The following CHD6 variants were observed in gnomAD, a reference collection of about 807,000 sequenced individuals.
CHD6 encodes chromodomain helicase DNA binding protein 6.
Under a neutral mutation model 276.9 loss-of-function variants are expected in CHD6, and 50 were observed. The observed-to-expected ratio is 0.18, with a 90% CI of 0.14 to 0.23. CHD6 has a LOEUF of 0.23. CHD6 is among the 10% of genes least tolerant of loss of function. The pLI is 1.00. For synonymous variants in CHD6, 1,173 were observed against 1,229.3 expected, an observed-to-expected ratio of 0.95 and a Z score of 0.96; for missense variants, 2,564 against 3,365.8, an observed-to-expected ratio of 0.76 and a Z score of 5.89.
intron 6 of CHD6, among the ~76,000 whole-genome samples, chr20:41,498,808 T>C (rs1436053578): frequency 2.1e-5 from 1 of 48,508 alleles, no homozygotes; most frequent in East Asian, 8.7e-4. Flanking sequence ...TATGTATGTA[T>C]GTATGTGTGT....
At position 41,416,741 on chromosome 20, in the gene CHD6, C is replaced by A; in HGVS notation, c.6333G>T (p.Gly2111=). 1.9e-6 allele frequency: 3 copies of A among 1,612,022 alleles called. No individual in the cohort carries two copies. Among genetic ancestry groups the A allele is most frequent in the Non-Finnish European group, 2.5e-6 (3 of 1,178,652 alleles). ...CATACTGCTGGCTAGAGGGCCACTT[C>A]CCCTTTAACACCACGTGGCAGATAT... ...LDNICHVVLK[G]KWPSSQQYEP... Residue 2111 remains glycine (G), a synonymous_variant, in exon 33 of 37, where the codon GGG becomes GGT. Transcript: ENST00000373233.
At chr20:41,437,983 A>G (rs987314472) in intron 26 of CHD6, among the ~76,000 whole-genome samples, 2 of 152,164 alleles carry the variant, frequency 1.3e-5, no homozygotes, top group African/African-American at 2.4e-5. Context: ...GAAAAAGGTA[A>G]TTCCTGCCCA....
chr20:41,406,739 C>A (rs1305055183), intron 36 of CHD6, among the ~76,000 whole-genome samples: 2 of 152,236 alleles, frequency 1.3e-5, no homozygotes, highest in Non-Finnish European at 2.9e-5. Context: ...TGGAGAACTG[C>A]ATGCCTTTCT....
At chr20:41,489,746 T>A in intron 12 of CHD6, 32 bp downstream of exon 12, 1 of 1,613,052 alleles carries the variant, frequency 6.2e-7, no homozygotes, top group Non-Finnish European at 8.5e-7. Context: ...GCTTAGGCAG[T>A]CCCTGGGTCT....
intron 17 of CHD6, among the ~76,000 whole-genome samples, chr20:41,468,380 G>A (rs2042977747): frequency 6.6e-6 from 1 of 152,100 alleles, no homozygotes. Flanking sequence ...AAAGTGCTGG[G>A]ATTACAGGCA....
chr20:41,515,931 G>C lies in CHD6; in HGVS notation c.555-979C>G, dbSNP rs117341917. Among the ~76,000 whole-genome samples, 808 of 152,264 alleles carry C rather than the reference G, an allele frequency of 5.3e-3. 6 individuals carry two copies. The highest frequency in any genetic ancestry group is 0.024 in the Middle Eastern group (7 of 294). Reference sequence around the variant, plus strand: ...ACTGCTTTTTAAGCAATGGATAGATGGATGCATTAATGAATGGCTATGATT... The same window carrying C: ...ACTGCTTTTTAAGCAATGGATAGATCGATGCATTAATGAATGGCTATGATT... On this transcript the variant is annotated intron_variant, in intron 3 of 36. Coordinates refer to ENST00000373233, the MANE Select transcript of CHD6 (RefSeq NM_032221.5).
chr20:41,562,751 T>C (rs1297514509), intron 1 of CHD6, among the ~76,000 whole-genome samples: 2 of 152,206 alleles, frequency 1.3e-5, no homozygotes, highest in Non-Finnish European at 2.9e-5. Context: ...ACAGGGACCG[T>C]ATCTATTTTG....
chr20:41,476,616 A>G (rs531755669), intron 16 of CHD6, among the ~76,000 whole-genome samples: 2 of 152,360 alleles, frequency 1.3e-5, no homozygotes, highest in Non-Finnish European at 2.9e-5. Context: ...GCTTGGTAAC[A>G]TAACACTAAG....
At chr20:41,439,909 G>A in intron 26 of CHD6, 91 bp downstream of exon 26, 1 of 1,337,594 alleles carries the variant, frequency 7.5e-7, no homozygotes, top group South Asian at 1.3e-5. Flanking sequence ...AGATGCTGAG[G>A]AAGAGATAAA....
At chr20:41,534,738 T>C (rs1437230511) in intron 2 of CHD6, among the ~76,000 whole-genome samples, 1 of 152,138 alleles carries the variant, frequency 6.6e-6, no homozygotes, top group Non-Finnish European at 1.5e-5. Flanking sequence ...CATTGCTGAT[T>C]GAGCACTTGA....
chr20:41,523,701 T>G (rs780458568), intron 3 of CHD6, among the ~76,000 whole-genome samples: 26 of 152,014 alleles, frequency 1.7e-4, no homozygotes, highest in African/African-American at 4.8e-4. Flanking sequence ...ATGAAAGCAC[T>G]AGGATTTCTC....
chr20:41,403,242 A>G lies in CHD6; in HGVS notation c.*1351T>C. The G allele has an allele frequency of 9.4e-7, 1 of 1,060,312 alleles. No individual in the cohort carries two copies. Among genetic ancestry groups the G allele is most frequent in the Non-Finnish European group, 1.1e-6 (1 of 875,402 alleles). 65.7% of individuals were successfully genotyped at this position (1,060,312 alleles called of 1,614,324 possible). A position where few individuals can be genotyped will look rare whatever the true frequency, so the allele number is the denominator to read the frequency against. ...ACTAGTAACACTTGCAACATTTCCA[A>G]GGGTCCTGCGCAGCCCTGCGCCCCC... On this transcript the variant is annotated 3_prime_UTR_variant, in exon 37 of 37. Transcript: ENST00000373233.
At chr20:41,484,635 C>T in intron 14 of CHD6, 28 bp from the exon 15 acceptor site, 4 of 1,611,880 alleles carry the variant, frequency 2.5e-6, no homozygotes, top group Non-Finnish European at 3.4e-6. Flanking sequence ...ACCTAGTTAC[C>T]TGCCTCAATC....
chr20:41,405,616 G>T (rs1325425909), intron 36 of CHD6, 127 bp from the exon 37 acceptor site: 1 of 672,072 alleles, frequency 1.5e-6, no homozygotes, highest in Non-Finnish European at 2.5e-6. Context: ...CCAGTACAAG[G>T]AGCACCTCCC....
rs151135263 is a variant in CHD6 at position 41,451,753 on chromosome 20, C to T, written c.3523+73G>A. The T allele has an allele frequency of 2.7e-3, 3,532 of 1,317,668 alleles. 48 individuals are homozygous for T. The highest frequency in any genetic ancestry group is 0.017 in the Middle Eastern group (92 of 5,444). 81.6% of individuals were successfully genotyped at this position (1,317,668 alleles called of 1,614,324 possible). On this transcript the variant is annotated intron_variant, in intron 22 of 36. Transcript: ENST00000373233. ...AGAAGTCCCCCAAAGCACAGCAATA[C>T]GGCCCCGCAGAGGAAGAGGGGATGA...
intron 1 of CHD6, among the ~76,000 whole-genome samples, chr20:41,616,539 A>G (rs543137076): frequency 1.3e-5 from 2 of 152,344 alleles, no homozygotes; most frequent in Admixed American, 1.3e-4. Context: ...TGTGCAGGAT[A>G]GCTTTTAGTC....
intron 3 of CHD6, among the ~76,000 whole-genome samples, chr20:41,520,931 A>G (rs1007322184): frequency 2.0e-5 from 3 of 152,178 alleles, no homozygotes; most frequent in African/African-American, 7.2e-5. Context: ...GTAAGAATAA[A>G]GGGAAAATAA....
In CHD6 at chr20:41,508,803, G is replaced by A. The variant is rs530256860; in HGVS notation, c.852+4043C>T. On this transcript the variant is annotated intron_variant, in intron 5 of 36. Coordinates refer to ENST00000373233, the MANE Select transcript of CHD6 (RefSeq NM_032221.5). The stretch of plus-strand genomic sequence containing the variant: ...TTTCTGAGGGTTTAAGTGAGACAGA[G>A]ATGAATACCAGTGAGGAAAAAATGC... Among the ~76,000 whole-genome samples the A allele has an allele frequency of 4.9e-4, 74 of 152,208 alleles. 1 individual carries two copies. Among genetic ancestry groups the A allele is most frequent in the African/African-American group, 1.8e-3 (73 of 41,530 alleles).
chr20:41,481,705 A>G (rs2043299180), intron 16 of CHD6, among the ~76,000 whole-genome samples: 1 of 152,134 alleles, frequency 6.6e-6, no homozygotes, highest in Non-Finnish European at 1.5e-5. Flanking sequence ...AGAAATAATG[A>G]AAACGTTAAG....
Sources: allele counts gnomAD v4.1 joint callset (sites outside exome capture counted in the v4.1 genomes callset), GRCh38; gene constraint gnomAD v4.1.1; transcripts MANE v1.5; gene names NCBI Gene and HGNC (gene_info 2026-07-23, HGNC 2026-07-21).